The following CLMN variants were observed in gnomAD, a reference collection of about 807,000 sequenced individuals.
CLMN encodes calmin.
CLMN carries 57 observed loss-of-function variants against 92.7 expected under a neutral mutation model. That is an observed-to-expected ratio of 0.61 (90% CI 0.50 to 0.77). The LOEUF is 0.77. CLMN is among the 30% of genes least tolerant of loss of function. CLMN has a pLI of 0.00. For missense variants in CLMN, 1,158 were observed against 1,237.5 expected, an observed-to-expected ratio of 0.94 and a Z score of 0.96; for synonymous variants, 466 against 470.6, an observed-to-expected ratio of 0.99 and a Z score of 0.13.
Position 95,185,849 on chromosome 14 carries a change from G to A in CLMN, c.*5715C>T, listed in dbSNP as rs559339905. ...GAGAGTTAAGAAAATCGGAGCTCAT[G>A]TGAAAGCATTCTTGTCATACAACTG... On this transcript the variant is annotated 3_prime_UTR_variant, in exon 13 of 13. Coordinates refer to ENST00000298912, the MANE Select transcript of CLMN (RefSeq NM_024734.4). 1 of 152,364 alleles carries A rather than the reference G, an allele frequency of 6.6e-6. No individual in the cohort carries two copies. Among genetic ancestry groups the A allele is most frequent in the East Asian group, 1.9e-4 (1 of 5,192 alleles). The allele number at this position is 152,364 out of a possible 1,614,324, so 9.4% of individuals were successfully genotyped here.
chr14:95,244,976 C>T (rs1898404127), intron 1 of CLMN, among the ~76,000 whole-genome samples: 1 of 118,310 alleles, frequency 8.5e-6, no homozygotes, highest in Non-Finnish European at 1.7e-5. Context: ...CATATATACA[C>T]ATATATGTGT....
intron 6 of CLMN, among the ~76,000 whole-genome samples, chr14:95,211,974 T>C (rs1897211889): frequency 6.6e-6 from 1 of 152,210 alleles, no homozygotes; most frequent in South Asian, 2.1e-4. Context: ...TCCTCTCCCA[T>C]ACATCACACC....
At chr14:95,284,592 G>A (rs1900268277) in intron 1 of CLMN, among the ~76,000 whole-genome samples, 1 of 152,220 alleles carries the variant, frequency 6.6e-6, no homozygotes, top group South Asian at 2.1e-4. Context: ...GCATCAGCAT[G>A]ATCTGGAGTC....
intron 2 of CLMN, among the ~76,000 whole-genome samples, chr14:95,225,024 A>G (rs1210175403): frequency 6.6e-5 from 10 of 152,166 alleles, no homozygotes; most frequent in Admixed American, 4.6e-4. Flanking sequence ...CCACGTGTGT[A>G]GACTTACTAG....
At chr14:95,246,464 TGTGA>T (rs2140669478) in intron 1 of CLMN, among the ~76,000 whole-genome samples, 1 of 152,340 alleles carries the variant, frequency 6.6e-6, no homozygotes, top group South Asian at 2.1e-4. Flanking sequence ...TCTTGGGAAC[TGTGA>T]GTAACAAACT....
chr14:95,230,779 C>T (rs1033839383), intron 1 of CLMN, among the ~76,000 whole-genome samples: 4 of 152,234 alleles, frequency 2.6e-5, no homozygotes, highest in African/African-American at 9.6e-5. Flanking sequence ...GTCCCTGGCA[C>T]AGGGGCTGCC....
Position 95,194,313 on chromosome 14 carries a change from C to T in CLMN, c.2769+223G>A, listed in dbSNP as rs1229918665. 31 of 1,420,042 alleles carry T rather than the reference C, an allele frequency of 2.2e-5. No individual in the cohort carries two copies. The highest frequency in any genetic ancestry group is 2.7e-5 in the Non-Finnish European group (30 of 1,091,724). The allele number at this position is 1,420,042 out of a possible 1,614,324, so 88.0% of individuals were successfully genotyped here. A position where few individuals can be genotyped will look rare whatever the true frequency, so the allele number is the denominator to read the frequency against. On this transcript the variant is annotated intron_variant, in intron 11 of 12. Coordinates refer to ENST00000298912, the MANE Select transcript of CLMN (RefSeq NM_024734.4). This position sits in a 1 kb window ranked among gnomAD's most constrained non-coding sequence, Gnocchi z 4.0. ...GGGTGCGTTTTTATAGCAAGGAGGC[C>T]TTTGGGCTTTAAAATCCTCACTTTA... is the stretch of plus-strand genomic sequence containing the variant.
At chr14:95,209,760 CT>C (rs143807816) in intron 7 of CLMN, among the ~76,000 whole-genome samples, 123 of 152,308 alleles carry the variant, frequency 8.1e-4, no homozygotes, top group Non-Finnish European at 1.4e-3. Context: ...AAGCAGCCAG[CT>C]CGCTGCTGGC....
chr14:95,289,502 TAAATAAAC>T (rs373555192), intron 1 of CLMN, among the ~76,000 whole-genome samples: 33,749 of 91,372 alleles, frequency 0.37, 4,714 homozygotes, highest in East Asian at 0.62. Context: ...AATAAATAAA[TAAATAAAC>T]AAACAAACAA....
intron 1 of CLMN, among the ~76,000 whole-genome samples, chr14:95,295,461 C>T (rs913969846): frequency 3.9e-5 from 6 of 152,188 alleles, no homozygotes; most frequent in Admixed American, 3.9e-4. Flanking sequence ...ACTGTATGAA[C>T]AGGTGGCTGC....
intron 1 of CLMN, among the ~76,000 whole-genome samples, chr14:95,239,563 G>A (rs1024137979): frequency 2.6e-5 from 4 of 152,032 alleles, no homozygotes; most frequent in South Asian, 2.1e-4. Context: ...ATATAAACTC[G>A]AGCAACATCT....
chr14:95,258,279 G>A (rs533197818), intron 1 of CLMN, among the ~76,000 whole-genome samples: 2 of 150,764 alleles, frequency 1.3e-5, no homozygotes, highest in African/African-American at 2.4e-5. Flanking sequence ...ATGTGGGGGC[G>A]TGTGTGTGGT....
chr14:95,215,328 A>G (rs2140602409), intron 5 of CLMN, among the ~76,000 whole-genome samples: 3 of 152,340 alleles, frequency 2.0e-5, no homozygotes, highest in African/African-American at 7.2e-5. Context: ...ACCAAGTTCC[A>G]GTTTTGGTCA....
At chr14:95,213,068 T>C in intron 6 of CLMN, 151 bp downstream of exon 6, 1 of 791,868 alleles carries the variant, frequency 1.3e-6, no homozygotes, top group South Asian at 1.9e-5. Context: ...ATTACAGGCA[T>C]GAGCCACCGC....
At chr14:95,293,797 C>T (rs1883098613) in intron 1 of CLMN, among the ~76,000 whole-genome samples, 1 of 151,916 alleles carries the variant, frequency 6.6e-6, no homozygotes, top group Non-Finnish European at 1.5e-5. Context: ...CAGGCTCCTT[C>T]CTTTCCCAAG....
chr14:95,191,756 C>T lies in CLMN; in HGVS notation c.2841-24G>A, dbSNP rs201561363. 58 of 1,585,108 alleles carry T rather than the reference C, an allele frequency of 3.7e-5. No homozygotes were observed. The East Asian group carries it at 7.7e-4, about 21-fold the overall frequency. On this transcript the variant is annotated intron_variant, in intron 12 of 12. Coordinates refer to ENST00000298912, the MANE Select transcript of CLMN (RefSeq NM_024734.4). The surrounding 1 kb of genome is among the most constrained non-coding windows in gnomAD (Gnocchi z 5.3). ...TCCTACAGAAGAAACACAGAGGAAA[C>T]GCAGTTACCAAGCAGGTTCCCAGGA... is the stretch of plus-strand genomic sequence containing the variant.
chr14:95,210,446 T>C, intron 7 of CLMN, among the ~76,000 whole-genome samples: 2 of 152,302 alleles, frequency 1.3e-5, no homozygotes, highest in South Asian at 4.1e-4. Flanking sequence ...ACTTATGATA[T>C]AATGTTAAAT....
intron 1 of CLMN, among the ~76,000 whole-genome samples, chr14:95,260,358 T>C (rs577049128): frequency 2.0e-5 from 3 of 151,078 alleles, no homozygotes; most frequent in East Asian, 3.9e-4. Context: ...AGGAGAATGG[T>C]GTGAACCCAG....
intron 6 of CLMN, among the ~76,000 whole-genome samples, chr14:95,211,545 A>AGG (rs1897197378): frequency 2.6e-5 from 4 of 152,184 alleles, no homozygotes; most frequent in African/African-American, 9.7e-5. Flanking sequence ...TTTTAAAAGT[A>AGG]AAAGTGAAGG....
Sources: allele counts gnomAD v4.1 joint callset (sites outside exome capture counted in the v4.1 genomes callset), GRCh38; gene constraint gnomAD v4.1.1; non-coding constraint Gnocchi (gnomAD v3.1); transcripts MANE v1.5; gene names NCBI Gene and HGNC (gene_info 2026-07-23, HGNC 2026-07-21).